The following PDE4B variants were observed in gnomAD, a reference collection of about 807,000 sequenced individuals.
PDE4B encodes phosphodiesterase 4B, also known as 3',5'-cyclic-AMP phosphodiesterase 4B.
A neutral mutation model predicts 82.2 loss-of-function variants in PDE4B; 20 were observed. The ratio of observed to expected loss-of-function variants is 0.24; its 90% CI spans 0.17 to 0.35. The LOEUF (loss-of-function observed/expected upper bound fraction) is 0.35, where lower values mean the gene tolerates loss of function less well. Ranked by LOEUF, PDE4B falls within the 10% of genes least tolerant of loss-of-function variation. PDE4B has a pLI of 1.00. For synonymous variants in PDE4B, 320 were observed against 318.9 expected (o/e 1.00, Z -0.04); for missense variants, 655 against 907.2 (o/e 0.72, Z 3.57).
intron 3 of PDE4B, among the ~76,000 whole-genome samples, chr1:66,188,942 C>T (rs1291188738): frequency 1.3e-5 from 2 of 152,176 alleles, no homozygotes; most frequent in Admixed American, 6.5e-5. Context: ...ATGGACTTTA[C>T]AATTTGGCAT....
At chr1:66,293,960 C>T (rs1657303866) in intron 7 of PDE4B, among the ~76,000 whole-genome samples, 1 of 152,132 alleles carries the variant, frequency 6.6e-6, no homozygotes, top group Non-Finnish European at 1.5e-5. Context: ...AATCCCAGCA[C>T]TTTGGGAGGC....
chr1:66,018,653 A>G (rs1652914616), intron 3 of PDE4B, among the ~76,000 whole-genome samples: 1 of 152,200 alleles, frequency 6.6e-6, no homozygotes. Flanking sequence ...TGATTCTTCA[A>G]ATAATTCAAT....
chr1:65,918,860 C>A, intron 3 of PDE4B, 25 bp downstream of exon 3: 1 of 1,359,642 alleles, frequency 7.4e-7, no homozygotes, highest in Non-Finnish European at 1.1e-6. Flanking sequence ...AATCAAATGT[C>A]AATTCTAAAT....
At chr1:66,352,226 G>C (rs1661887545) in intron 8 of PDE4B, among the ~76,000 whole-genome samples, 1 of 152,144 alleles carries the variant, frequency 6.6e-6, no homozygotes, top group African/African-American at 2.4e-5. Flanking sequence ...TTTTATGGTT[G>C]CCTTAAGATG....
At chr1:65,982,323 A>G (rs1650730558) in intron 3 of PDE4B, among the ~76,000 whole-genome samples, 1 of 152,202 alleles carries the variant, frequency 6.6e-6, no homozygotes, top group Non-Finnish European at 1.5e-5. Flanking sequence ...AAAGGGTCGC[A>G]AACACATCCT....
intron 1 of PDE4B, among the ~76,000 whole-genome samples, chr1:65,891,170 G>A (rs1459682274): frequency 6.6e-6 from 1 of 152,022 alleles, no homozygotes; most frequent in Non-Finnish European, 1.5e-5. Context: ...GTTACCTGTG[G>A]TGTATTGCTA....
At chr1:66,083,909 A>G (rs552958784) in intron 3 of PDE4B, among the ~76,000 whole-genome samples, 1 of 152,134 alleles carries the variant, frequency 6.6e-6, no homozygotes, top group African/African-American at 2.4e-5. Flanking sequence ...CTTCAGCTAC[A>G]TTGTAGGTAT....
intron 7 of PDE4B, among the ~76,000 whole-genome samples, chr1:66,284,958 G>A (rs1403354352): frequency 6.6e-6 from 1 of 152,164 alleles, no homozygotes; most frequent in East Asian, 1.9e-4. Flanking sequence ...GCAGATTCAG[G>A]CTTGGAATCA....
intron 1 of PDE4B, among the ~76,000 whole-genome samples, chr1:65,805,369 G>C (rs1457009223): frequency 6.6e-6 from 1 of 152,110 alleles, no homozygotes; most frequent in Non-Finnish European, 1.5e-5. Flanking sequence ...TGGTGTCCTG[G>C]AAGAGGCACA....
At chr1:66,100,211 G>T (rs569630766) in intron 3 of PDE4B, among the ~76,000 whole-genome samples, 4 of 151,810 alleles carry the variant, frequency 2.6e-5, no homozygotes, top group African/African-American at 9.7e-5. Flanking sequence ...GCACCACCAC[G>T]CTGACTAGTT....
intron 1 of PDE4B, among the ~76,000 whole-genome samples, chr1:65,878,808 T>C (rs1646677789): frequency 6.6e-6 from 1 of 152,076 alleles, no homozygotes; most frequent in Admixed American, 6.6e-5. Context: ...AGATGACAGG[T>C]TGATAGGTGC....
chr1:66,152,734 G>A (rs939600026), intron 3 of PDE4B, among the ~76,000 whole-genome samples: 2 of 151,616 alleles, frequency 1.3e-5, no homozygotes, highest in African/African-American at 4.8e-5. Context: ...AAAATTTGTA[G>A]GGCAAGCCAA....
chr1:66,117,189 A>G (rs1006162416), intron 3 of PDE4B, among the ~76,000 whole-genome samples: 3 of 152,160 alleles, frequency 2.0e-5, no homozygotes, highest in Non-Finnish European at 4.4e-5. Flanking sequence ...TAGATTATTC[A>G]CAATTCCATT....
chr1:66,305,519 T>A (rs747670796), intron 7 of PDE4B, among the ~76,000 whole-genome samples: 2 of 152,118 alleles, frequency 1.3e-5, no homozygotes, highest in Non-Finnish European at 2.9e-5. Context: ...GGGTGTCTGG[T>A]TTGTTTGTTT....
chr1:66,021,253 C>T (rs1213123837), intron 3 of PDE4B, among the ~76,000 whole-genome samples: 1 of 152,162 alleles, frequency 6.6e-6, no homozygotes, highest in African/African-American at 2.4e-5. Flanking sequence ...AAACTTTCTC[C>T]CATTCAATAA....
intron 1 of PDE4B, among the ~76,000 whole-genome samples, chr1:65,837,550 G>A (rs563356484): frequency 5.3e-5 from 8 of 152,196 alleles, no homozygotes; most frequent in Admixed American, 1.3e-4. Context: ...GGAGGTTGCC[G>A]TGAGTCTGGA....
intron 1 of PDE4B, among the ~76,000 whole-genome samples, chr1:65,884,238 G>A (rs1269121763): frequency 1.3e-5 from 2 of 152,144 alleles, no homozygotes; most frequent in Non-Finnish European, 2.9e-5. Flanking sequence ...AATGGTACCA[G>A]CTCCTCCTTG....
chr1:66,088,507 A>G (rs569195371), intron 3 of PDE4B, among the ~76,000 whole-genome samples: 1 of 152,144 alleles, frequency 6.6e-6, no homozygotes, highest in Non-Finnish European at 1.5e-5. Flanking sequence ...CATTACATAG[A>G]TGTCTCATTT....
intron 3 of PDE4B, among the ~76,000 whole-genome samples, chr1:66,127,758 T>G (rs1645853435): frequency 6.6e-6 from 1 of 152,194 alleles, no homozygotes; most frequent in Admixed American, 6.5e-5. Flanking sequence ...AGAAAACATT[T>G]TTTTATCCCC....
Sources: allele counts gnomAD v4.1 joint callset (sites outside exome capture counted in the v4.1 genomes callset), GRCh38; gene constraint gnomAD v4.1.1; transcripts MANE v1.5; gene names NCBI Gene and HGNC (gene_info 2026-07-23, HGNC 2026-07-21).